Variants in MYO5C observed in about 807,000 individuals in gnomAD.
The protein encoded by MYO5C is unconventional myosin-Vc.
In MYO5C, 194 loss-of-function variants were observed where a neutral mutation model predicts 235.7. That is an observed-to-expected ratio of 0.82 (90% CI 0.73 to 0.93). The LOEUF (loss-of-function observed/expected upper bound fraction) is 0.93. MYO5C is among the 40% of genes least tolerant of loss of function. The pLI is 0.00. For synonymous variants in MYO5C, 707 were observed against 754.8 expected (o/e 0.94, Z 1.04); for missense variants, 2,038 against 2,127.2 (o/e 0.96, Z 0.82).
intron 24 of MYO5C, 87 bp downstream of exon 24, chr15:52,232,535 G>A: frequency 7.9e-7 from 1 of 1,264,112 alleles, no homozygotes; most frequent in Non-Finnish European, 1.2e-6. Context: ...TTGTATCTGT[G>A]TCTGCTATAT....
At chr15:52,256,858 G>T in intron 10 of MYO5C, 138 bp from the exon 11 acceptor site, 1 of 631,346 alleles carries the variant, frequency 1.6e-6, no homozygotes, top group East Asian at 2.8e-5. Flanking sequence ...AAAGCTTCTG[G>T]TTTTAATGAT....
Position 52,245,945 on chromosome 15 carries a change from G to T in MYO5C, c.2066+11C>A, listed in dbSNP as rs773999508. The T allele has an allele frequency of 2.5e-6, 4 of 1,612,612 alleles. No homozygotes were observed. The highest frequency in any genetic ancestry group is 3.4e-6 in the Non-Finnish European group (4 of 1,178,678). ...GTACTTTTCCCTCCAAGACAAGGAC[G>T]GACAACATACCTGGAAGGGTAGCTC... is the stretch of plus-strand genomic sequence containing the variant. On this transcript the variant is annotated intron_variant, in intron 17 of 40. Coordinates refer to ENST00000261839, the MANE Select transcript of MYO5C (RefSeq NM_018728.4).
rs2036999439 is a variant in MYO5C, at chr15:52,274,666, T to C, written c.606+896A>G. The stretch of plus-strand genomic sequence containing the variant: ...GAATTATGAGCTTTGCAGTGTTTCT[T>C]AGTACCCCCCCCCCGACATATGTTT... On this transcript the variant is annotated intron_variant, in intron 5 of 40. Coordinates refer to ENST00000261839, the MANE Select transcript of MYO5C (RefSeq NM_018728.4). Among the ~76,000 whole-genome samples the C allele has an allele frequency of 2.9e-5, 4 of 135,788 alleles. No homozygotes were observed. The South Asian group carries it at 1.1e-3, about 36-fold the overall frequency. The allele number at this position is 135,788 out of a possible 152,430, so 89.1% of individuals were successfully genotyped here. A position where few individuals can be genotyped will look rare whatever the true frequency, so the allele number is the denominator to read the frequency against.
chr15:52,209,194 C>G (rs1340733164), intron 35 of MYO5C, among the ~76,000 whole-genome samples: 1 of 152,024 alleles, frequency 6.6e-6, no homozygotes, highest in African/African-American at 2.4e-5. Context: ...CTACAGTGAT[C>G]AGAGGGGAAA....
In MYO5C at chr15:52,269,880, T is replaced by C. The variant is rs147737511; in HGVS notation, c.833-20A>G. ...CACTCCCTGAAATCAAAAAGTAAGA[T>C]TTGTTATGTCTGTAACACAGAAATT... On this transcript the variant is annotated intron_variant, in intron 7 of 40. Coordinates refer to ENST00000261839, the MANE Select transcript of MYO5C (RefSeq NM_018728.4). The C allele has an allele frequency of 7.9e-5, 121 of 1,539,620 alleles. No individual in the cohort carries two copies. Among genetic ancestry groups the C allele is most frequent in the African/African-American group, 4.6e-4 (34 of 73,602 alleles).
chr15:52,291,973 T>A (rs1301903319), intron 1 of MYO5C, among the ~76,000 whole-genome samples: 1 of 151,946 alleles, frequency 6.6e-6, no homozygotes, highest in Admixed American at 6.5e-5. Context: ...CCTCCTGACC[T>A]CGTGATCCGC....
intron 35 of MYO5C, 115 bp downstream of exon 35, chr15:52,211,615 G>T: frequency 8.4e-7 from 1 of 1,190,150 alleles, no homozygotes; most frequent in Non-Finnish European, 1.2e-6. Context: ...CCTCAAACTT[G>T]TTTGAGGAAT....
chr15:52,273,740 A>G (rs1309549622), intron 5 of MYO5C, among the ~76,000 whole-genome samples: 1 of 152,202 alleles, frequency 6.6e-6, no homozygotes, highest in Non-Finnish European at 1.5e-5. Context: ...GGTCAATGAC[A>G]CTAAAGTATA....
intron 22 of MYO5C, chr15:52,236,878 T>C (rs1252378817): frequency 2.0e-5 from 3 of 152,256 alleles, no homozygotes; most frequent in African/African-American, 4.8e-5. Context: ...AAATTCATTA[T>C]GGTAGGCATT....
rs749119755 is a variant in MYO5C, at chr15:52,269,868, C to A, written c.833-8G>T. The A allele has an allele frequency of 2.5e-6, 4 of 1,584,894 alleles. No homozygotes were observed. Among genetic ancestry groups the A allele is most frequent in the South Asian group, 1.1e-5 (1 of 90,098 alleles). ...TAAATTCTTCGGCACTCCCTGAAATCAAAAAGTAAGATTTGTTATGTCTGT... is the reference window on the plus strand; with the variant it reads ...TAAATTCTTCGGCACTCCCTGAAATAAAAAAGTAAGATTTGTTATGTCTGT... On this transcript the variant is annotated splice_polypyrimidine_tract_variant and splice_region_variant and intron_variant, in intron 7 of 40. Coordinates refer to ENST00000261839, the MANE Select transcript of MYO5C (RefSeq NM_018728.4).
In MYO5C at chr15:52,232,358, GGAAAA is replaced by G. The variant is rs1161164705; in HGVS notation, c.3026+259_3026+263del. Among the ~76,000 whole-genome samples the G allele has an allele frequency of 7.4e-5, 10 of 135,754 alleles. No individual in the cohort carries two copies. In the East Asian group the frequency reaches 1.2e-3, roughly 16 times the overall value. The allele number at this position is 135,754 out of a possible 152,430, so 89.1% of individuals were successfully genotyped here. On this transcript the variant is annotated intron_variant, in intron 24 of 40. Transcript: ENST00000261839. Reference sequence around the variant, plus strand: ...GAAAGAAAGAAGAGAAAGAAAGAAAGGAAAAGAAAAGAAAAGAAAAGAATTCCTGG... The same window carrying G: ...GAAAGAAAGAAGAGAAAGAAAGAAAGGAAAAGAAAAGAAAAGAATTCCTGG...
chr15:52,239,837 G>C lies in MYO5C; in HGVS notation c.2599C>G (p.Arg867Gly), dbSNP rs766392804. 6.2e-7 allele frequency: 1 copy of C among 1,613,510 alleles called. No individual in the cohort carries two copies. The highest frequency in any genetic ancestry group is 2.2e-5 in the East Asian group (1 of 44,840). ...AATCTGCGTCTGGCCAGCCACGCCC[G>C]TGCGTATTTCTGTAGGATCACAGCC... is the stretch of plus-strand genomic sequence containing the variant. ...HKAVILQKYARAWLARRRFQS... is the reference protein window; with the variant it reads ...HKAVILQKYAGAWLARRRFQS... The change falls in exon 21 of 41, where the codon CGG becomes GGG. Residue 867 changes from arginine to glycine, a missense_variant. Physicochemically the swap from Arg to Gly is moderately radical, Grantham distance 125 (BLOSUM62 -2). Coordinates refer to ENST00000261839, the MANE Select transcript of MYO5C (RefSeq NM_018728.4).
intron 38 of MYO5C, among the ~76,000 whole-genome samples, chr15:52,203,466 C>T (rs2035233664): frequency 6.6e-6 from 1 of 152,172 alleles, no homozygotes; most frequent in Non-Finnish European, 1.5e-5. Flanking sequence ...CTGCCTCGGC[C>T]TCCCGAGTAG....
rs145649137 is a variant in MYO5C at position 52,234,870 on chromosome 15, G to A, written c.2962+800C>T. On this transcript the variant is annotated intron_variant, in intron 23 of 40. Coordinates refer to ENST00000261839, the MANE Select transcript of MYO5C (RefSeq NM_018728.4). ...CCACCATTTGCTGGGCTAGAGGTGCGTGTAGAATCCCCAGGCCTGAACCCT... is the reference window on the plus strand; with the variant it reads ...CCACCATTTGCTGGGCTAGAGGTGCATGTAGAATCCCCAGGCCTGAACCCT... Among the ~76,000 whole-genome samples, 8 of 152,310 alleles carry A rather than the reference G, an allele frequency of 5.3e-5. No homozygotes were observed. The East Asian group carries it at 9.6e-4, about 18-fold the overall frequency.
chr15:52,207,198 CAA>C (rs1333115907), intron 36 of MYO5C, among the ~76,000 whole-genome samples: 1 of 149,546 alleles, frequency 6.7e-6, no homozygotes, highest in African/African-American at 2.5e-5. Context: ...TGAAAAGGAA[CAA>C]GAGAAATTTT....
At chr15:52,236,339 C>G (rs2036085278) in intron 22 of MYO5C, among the ~76,000 whole-genome samples, 1 of 152,208 alleles carries the variant, frequency 6.6e-6, no homozygotes. Context: ...GGGATGTCTT[C>G]TGGGCCTCCA....
At chr15:52,212,157 A>C (rs1338248683) in intron 34 of MYO5C, among the ~76,000 whole-genome samples, 1 of 152,208 alleles carries the variant, frequency 6.6e-6, no homozygotes, top group Non-Finnish European at 1.5e-5. Context: ...CCTGGTGTGG[A>C]AACCCTGGAT....
chr15:52,227,650 T>A (rs2035859649), intron 25 of MYO5C, among the ~76,000 whole-genome samples: 1 of 152,156 alleles, frequency 6.6e-6, no homozygotes, highest in Non-Finnish European at 1.5e-5. Context: ...ATGACAGGAC[T>A]CCCACAGACT....
chr15:52,261,201 C>A, intron 9 of MYO5C, 74 bp from the exon 10 acceptor site: 1 of 1,541,882 alleles, frequency 6.5e-7, no homozygotes, highest in Admixed American at 1.8e-5. Flanking sequence ...GGCCAAGGCC[C>A]CCGTGCCCAC....
Sources: gnomAD v4.1 joint callset for allele counts (sites outside exome capture counted in the v4.1 genomes callset) on GRCh38, gnomAD v4.1.1 for gene constraint, MANE v1.5 for transcripts, NCBI Gene and HGNC (gene_info 2026-07-23, HGNC 2026-07-21) for gene names.